Variants in ATP2C1 observed in about 807,000 individuals in gnomAD.
ATP2C1 encodes the protein calcium-transporting ATPase type 2C member 1.
Under a neutral mutation model 120.5 loss-of-function variants are expected in ATP2C1, and 31 were observed. The observed-to-expected ratio is 0.26, with a 90% CI of 0.19 to 0.35. ATP2C1 has a LOEUF of 0.35. Ranked by LOEUF, ATP2C1 falls within the 10% of genes least tolerant of loss-of-function variation. The pLI, the probability that ATP2C1 is intolerant of heterozygous loss-of-function variation, is 1.00. For synonymous variants in ATP2C1, 351 were observed against 358.7 expected, an observed-to-expected ratio of 0.98 and a Z score of 0.24; for missense variants, 731 against 1,107.5, an observed-to-expected ratio of 0.66 and a Z score of 4.83.
rs1471841323 is a variant in ATP2C1, at chr3:130,912,366, A to T, written c.6+17591A>T. On this transcript the variant is annotated intron_variant, in intron 2 of 27. Coordinates refer to ENST00000510168, the MANE Select transcript of ATP2C1 (RefSeq NM_001378687.1). Reference sequence around the variant, plus strand: ...GCAACCTACTCATCTGACAAAGGGCAAATATCCAGAATCTACAATGAACTC... The same window carrying T: ...GCAACCTACTCATCTGACAAAGGGCTAATATCCAGAATCTACAATGAACTC... 1.3e-4 allele frequency among the ~76,000 whole-genome samples: 20 copies of T among 151,910 alleles called. No individual in the cohort carries two copies. In the South Asian group the frequency reaches 2.3e-3, roughly 17 times the overall value.
chr3:130,906,286 T>A (rs1273148835), intron 2 of ATP2C1, among the ~76,000 whole-genome samples: 1 of 152,088 alleles, frequency 6.6e-6, no homozygotes, highest in Non-Finnish European at 1.5e-5. Context: ...TTTGTCTTTA[T>A]GGATTTGCCT....
chr3:130,954,072 C>A, intron 9 of ATP2C1, 96 bp downstream of exon 9: 2 of 1,310,280 alleles, frequency 1.5e-6, no homozygotes, highest in Non-Finnish European at 2.2e-6. Context: ...TTTTCAAATA[C>A]ATGACAAAGG....
At chr3:130,904,368 T>C (rs1576648820) in intron 2 of ATP2C1, among the ~76,000 whole-genome samples, 1 of 151,996 alleles carries the variant, frequency 6.6e-6, no homozygotes, top group African/African-American at 2.4e-5. Flanking sequence ...TCATCTTTTA[T>C]AAATGTTACT....
At position 130,954,331 on chromosome 3, in the gene ATP2C1, G is replaced by A. The variant is rs113010921; in HGVS notation, c.687+355G>A. ...GTTCACCTGTTGATCGATTTCAAAT[G>A]CTTCCTTTCCTGAATTCTGATACTC... is the stretch of plus-strand genomic sequence containing the variant. On this transcript the variant is annotated intron_variant, in intron 9 of 27. Transcript: ENST00000510168. Among the ~76,000 whole-genome samples the A allele has an allele frequency of 5.4e-3, 815 of 152,250 alleles. 12 individuals are homozygous for A. The highest frequency in any genetic ancestry group is 0.019 in the African/African-American group (778 of 41,540).
intron 5 of ATP2C1, among the ~76,000 whole-genome samples, chr3:130,936,912 T>C (rs1294371742): frequency 6.6e-6 from 1 of 151,936 alleles, no homozygotes; most frequent in Non-Finnish European, 1.5e-5. Context: ...TGGATTTTCT[T>C]CATACACTTT....
intron 2 of ATP2C1, among the ~76,000 whole-genome samples, chr3:130,914,914 G>T (rs1368007543): frequency 6.6e-6 from 1 of 152,178 alleles, no homozygotes; most frequent in East Asian, 1.9e-4. Flanking sequence ...ATATTCTGCA[G>T]TTGTTATAAT....
chr3:130,930,566 A>T, intron 3 of ATP2C1, 40 bp downstream of exon 3: 1 of 1,262,630 alleles, frequency 7.9e-7, no homozygotes, highest in Non-Finnish European at 1.2e-6. Context: ...GATGGTGTAA[A>T]GTCAGTCACT....
chr3:130,965,314 A>G (rs1182584415), intron 14 of ATP2C1, among the ~76,000 whole-genome samples: 1 of 151,988 alleles, frequency 6.6e-6, no homozygotes, highest in Non-Finnish European at 1.5e-5. Context: ...TGACTTCCTA[A>G]AGAATTTTCC....
At chr3:130,939,037 A>C (rs2059787906) in intron 6 of ATP2C1, among the ~76,000 whole-genome samples, 1 of 152,212 alleles carries the variant, frequency 6.6e-6, no homozygotes, top group Non-Finnish European at 1.5e-5. Context: ...AAAAGGATGA[A>C]AACTTTATAA....
At chr3:130,966,985 T>C (rs1156776025) in intron 14 of ATP2C1, among the ~76,000 whole-genome samples, 160 bp from the exon 15 acceptor site, 2 of 152,180 alleles carry the variant, frequency 1.3e-5, no homozygotes, top group Admixed American at 6.6e-5. Flanking sequence ...TAAATGTCCT[T>C]TTTAAAGACA....
intron 8 of ATP2C1, among the ~76,000 whole-genome samples, chr3:130,943,506 C>A (rs192946616): frequency 2.0e-5 from 3 of 152,080 alleles, no homozygotes; most frequent in Non-Finnish European, 4.4e-5. Flanking sequence ...CGTGAGCCAC[C>A]GCTCCTGGCC....
At chr3:130,878,593 G>A (rs565040997) in intron 1 of ATP2C1, among the ~76,000 whole-genome samples, 14 of 152,136 alleles carry the variant, frequency 9.2e-5, no homozygotes, top group Non-Finnish European at 1.8e-4. Flanking sequence ...TGAGTTTCCT[G>A]TTTTTGGTTT....
chr3:130,962,125 A>G (rs1459817750), intron 12 of ATP2C1, among the ~76,000 whole-genome samples: 2 of 152,022 alleles, frequency 1.3e-5, no homozygotes, highest in African/African-American at 2.4e-5. Context: ...ATGCTTGTTT[A>G]TCAGCATTGA....
At chr3:130,980,307 A>T (rs1469757341) in intron 19 of ATP2C1, among the ~76,000 whole-genome samples, 1 of 150,536 alleles carries the variant, frequency 6.6e-6, no homozygotes, top group Non-Finnish European at 1.5e-5. Context: ...GCTGGTCTTG[A>T]ACTCCTGGGC....
chr3:130,994,128 G>A, intron 22 of ATP2C1, 30 bp downstream of exon 22: 1 of 1,612,834 alleles, frequency 6.2e-7, no homozygotes, highest in Non-Finnish European at 8.5e-7. Context: ...ATGCCTATCA[G>A]AGAATCTTCC....
intron 8 of ATP2C1, among the ~76,000 whole-genome samples, chr3:130,949,352 T>G (rs1224899549): frequency 6.6e-6 from 1 of 152,180 alleles, no homozygotes; most frequent in Non-Finnish European, 1.5e-5. Flanking sequence ...GCCACAATAT[T>G]TCCTTAAACC....
chr3:130,984,604 G>A (rs2061913455), intron 20 of ATP2C1, among the ~76,000 whole-genome samples: 1 of 152,066 alleles, frequency 6.6e-6, no homozygotes, highest in Non-Finnish European at 1.5e-5. Flanking sequence ...ACTCATGAAT[G>A]CTGTTTTCAG....
At chr3:130,918,198 G>T in intron 2 of ATP2C1, 1 of 1,212,682 alleles carries the variant, frequency 8.2e-7, no homozygotes, top group Non-Finnish European at 1.2e-6. Flanking sequence ...AGTGTGTGAT[G>T]CTTGGTTCTG....
At chr3:130,941,735 C>G in intron 8 of ATP2C1, 36 bp downstream of exon 8, 1 of 1,456,146 alleles carries the variant, frequency 6.9e-7, no homozygotes, top group Non-Finnish European at 9.7e-7. Flanking sequence ...AGTGAAAATA[C>G]GTGGATGTAG....
Sources: allele counts gnomAD v4.1 joint callset (sites outside exome capture counted in the v4.1 genomes callset), GRCh38; gene constraint gnomAD v4.1.1; transcripts MANE v1.5; gene names NCBI Gene and HGNC (gene_info 2026-07-23, HGNC 2026-07-21).